Variants in CSGALNACT1 observed in about 807,000 individuals in gnomAD.
CSGALNACT1 encodes beta4GalNAcT-1.
In CSGALNACT1, 52 loss-of-function variants were observed where a neutral mutation model predicts 51.0. That is an observed-to-expected ratio of 1.02 (90% CI 0.82 to 1.29). The LOEUF (loss-of-function observed/expected upper bound fraction) is 1.29. Ranked by LOEUF, CSGALNACT1 falls within the 50% of genes most tolerant of loss-of-function variation. The probability of loss-of-function intolerance (pLI) is 0.00; values close to 1 mark genes in which losing one functional copy is unlikely to be tolerated. For synonymous variants in CSGALNACT1, 341 were observed against 254.4 expected (o/e 1.34, Z -3.24); for missense variants, 935 against 679.2 (o/e 1.38, Z -4.19).
At chr8:19,626,889 A>G (rs1179655898) in intron 1 of CSGALNACT1, among the ~76,000 whole-genome samples, 2 of 152,238 alleles carry the variant, frequency 1.3e-5, no homozygotes, top group African/African-American at 4.8e-5. Flanking sequence ...CAAGAATAAA[A>G]AATAGTGATA....
chr8:19,676,101 C>CA (rs1255611611), intron 1 of CSGALNACT1, among the ~76,000 whole-genome samples: 5 of 128,080 alleles, frequency 3.9e-5, no homozygotes, highest in Non-Finnish European at 6.7e-5. Context: ...CAAAACAAAA[C>CA]AAAAAAAACT....
At chr8:19,527,242 A>C (rs182479032) in intron 3 of CSGALNACT1, among the ~76,000 whole-genome samples, 2 of 152,188 alleles carry the variant, frequency 1.3e-5, no homozygotes, top group African/African-American at 2.4e-5. Flanking sequence ...ACGCATTCAG[A>C]AACAGCTTTC....
At chr8:19,436,641 T>C (rs1367780710) in intron 6 of CSGALNACT1, among the ~76,000 whole-genome samples, 3 of 152,140 alleles carry the variant, frequency 2.0e-5, no homozygotes, top group African/African-American at 7.2e-5. Flanking sequence ...GTGTAGAGGA[T>C]CACACCCATA....
At chr8:19,481,896 T>C (rs1322982541) in intron 4 of CSGALNACT1, among the ~76,000 whole-genome samples, 1 of 152,244 alleles carries the variant, frequency 6.6e-6, no homozygotes, top group Non-Finnish European at 1.5e-5. Flanking sequence ...GAAGCAACTT[T>C]TGAATACTTA....
At chr8:19,491,911 C>T (rs947941173) in intron 4 of CSGALNACT1, among the ~76,000 whole-genome samples, 2 of 152,186 alleles carry the variant, frequency 1.3e-5, no homozygotes, top group African/African-American at 4.8e-5. Flanking sequence ...TCAAGCATTG[C>T]AGTGCAAATT....
intron 1 of CSGALNACT1, among the ~76,000 whole-genome samples, chr8:19,702,389 G>A (rs2061928770): frequency 6.6e-6 from 1 of 152,080 alleles, no homozygotes; most frequent in East Asian, 1.9e-4. Flanking sequence ...GGATACACCT[G>A]TAGTCCCAGC....
chr8:19,482,808 A>G (rs1030496570), intron 4 of CSGALNACT1, among the ~76,000 whole-genome samples: 3 of 152,108 alleles, frequency 2.0e-5, no homozygotes, highest in Admixed American at 6.5e-5. Context: ...TTTGATTTTT[A>G]TTTTGAGCTC....
chr8:19,681,921 C>A (rs2060650049), intron 1 of CSGALNACT1, among the ~76,000 whole-genome samples: 2 of 152,214 alleles, frequency 1.3e-5, no homozygotes, highest in South Asian at 4.1e-4. Flanking sequence ...TCTCCCTGGG[C>A]CTGCTGCTTT....
intron 1 of CSGALNACT1, among the ~76,000 whole-genome samples, chr8:19,630,220 G>C (rs900189739): frequency 3.7e-4 from 55 of 150,146 alleles, no homozygotes; most frequent in Non-Finnish European, 6.7e-4. Flanking sequence ...GTGTGTGTGT[G>C]TGTGTGTGTG....
At chr8:19,632,866 T>C (rs2055477601) in intron 1 of CSGALNACT1, among the ~76,000 whole-genome samples, 1 of 151,842 alleles carries the variant, frequency 6.6e-6, no homozygotes, top group African/African-American at 2.4e-5. Context: ...TTGATCCTCC[T>C]GCCTTAGCCT....
chr8:19,583,660 C>G (rs1014528054), intron 3 of CSGALNACT1, among the ~76,000 whole-genome samples: 2 of 152,084 alleles, frequency 1.3e-5, no homozygotes, highest in South Asian at 2.1e-4. Flanking sequence ...CATCATCAAC[C>G]ATTACTCTGA....
At chr8:19,526,515 G>A (rs928737816) in intron 3 of CSGALNACT1, among the ~76,000 whole-genome samples, 6 of 152,218 alleles carry the variant, frequency 3.9e-5, no homozygotes, top group Middle Eastern at 6.8e-3. Context: ...CCTGGGAGGC[G>A]GAGGTTGCAG....
intron 1 of CSGALNACT1, among the ~76,000 whole-genome samples, chr8:19,703,169 G>A (rs999399082): frequency 3.3e-5 from 5 of 152,070 alleles, no homozygotes; most frequent in East Asian, 1.9e-4. Context: ...CCCTGAAATC[G>A]AGAGCTTTTC....
intron 3 of CSGALNACT1, among the ~76,000 whole-genome samples, chr8:19,541,728 T>A (rs2085215253): frequency 6.6e-6 from 1 of 151,742 alleles, no homozygotes; most frequent in Non-Finnish European, 1.5e-5. Flanking sequence ...ATTAAGTAAT[T>A]TTTACTATTG....
chr8:19,565,132 G>A (rs1177693765), intron 3 of CSGALNACT1, among the ~76,000 whole-genome samples: 1 of 152,226 alleles, frequency 6.6e-6, no homozygotes, highest in Non-Finnish European at 1.5e-5. Flanking sequence ...TGTATATAGA[G>A]AGAACAGATT....
At chr8:19,454,967 C>T (rs1458971605) in intron 5 of CSGALNACT1, among the ~76,000 whole-genome samples, 2 of 152,032 alleles carry the variant, frequency 1.3e-5, no homozygotes, top group Non-Finnish European at 2.9e-5. Flanking sequence ...CATTTTAATT[C>T]TATAAGTAGA....
intron 1 of CSGALNACT1, among the ~76,000 whole-genome samples, chr8:19,634,616 T>G (rs2055762866): frequency 6.6e-6 from 1 of 152,194 alleles, no homozygotes; most frequent in Non-Finnish European, 1.5e-5. Flanking sequence ...GAGCCATGAT[T>G]GCACCACTGT....
rs150541306 is a variant in CSGALNACT1 at position 19,418,677 on chromosome 8, G to C, written c.1206C>G (p.Val402=). 45 of 1,611,910 alleles carry C rather than the reference G, an allele frequency of 2.8e-5. No homozygotes were observed. The African/African-American group carries it at 4.3e-4, about 15-fold the overall frequency. Reference sequence around the variant, plus strand: ...TCACCAGCTGCTGTTCCAAGGGAGGGACTGCATCATGGTGGCCGTATATTA... The same window carrying C: ...TCACCAGCTGCTGTTCCAAGGGAGGCACTGCATCATGGTGGCCGTATATTA... The change falls in exon 8 of 10, where the codon GTC becomes GTG. Residue 402 remains valine, a synonymous_variant. Transcript: ENST00000454498.
intron 3 of CSGALNACT1, among the ~76,000 whole-genome samples, chr8:19,539,613 G>A (rs2084608756): frequency 6.6e-6 from 1 of 152,192 alleles, no homozygotes; most frequent in South Asian, 2.1e-4. Context: ...CCTGATAAAT[G>A]TATACTTTCC....
Sources: gnomAD v4.1 joint callset for allele counts (sites outside exome capture counted in the v4.1 genomes callset) on GRCh38, gnomAD v4.1.1 for gene constraint, MANE v1.5 for transcripts, NCBI Gene and HGNC (gene_info 2026-07-23, HGNC 2026-07-21) for gene names.